PPP1R37: variants seen among roughly 807,000 people sequenced by gnomAD.
The protein encoded by PPP1R37 is leucine rich repeat containing 68.
A neutral mutation model predicts 61.0 loss-of-function variants in PPP1R37; 21 were observed. That is an observed-to-expected ratio of 0.34 (90% CI 0.24 to 0.50). The LOEUF (loss-of-function observed/expected upper bound fraction) is 0.50, where lower values mean the gene tolerates loss of function less well. Ranked by LOEUF, PPP1R37 falls within the 20% of genes least tolerant of loss-of-function variation. The pLI is 0.98. For missense variants in PPP1R37, 910 were observed against 952.7 expected, an observed-to-expected ratio of 0.96 and a Z score of 0.59; for synonymous variants, 443 against 433.5, an observed-to-expected ratio of 1.02 and a Z score of -0.27.
rs754277062 is a variant in PPP1R37, at chr19:45,146,697, C to A, written c.*135C>A. The A allele has an allele frequency of 3.6e-4, 191 of 524,164 alleles. No homozygotes were observed. The highest frequency in any genetic ancestry group is 1.0e-3 in the Middle Eastern group (2 of 1,938). The allele number at this position is 524,164 out of a possible 1,614,324, so 32.5% of individuals were successfully genotyped here. On this transcript the variant is annotated 3_prime_UTR_variant, in exon 13 of 13. Transcript: ENST00000221462. ...GGCCATTCTGGGGCCCCCCTCCCCC[C>A]ACAGCAACACTACAAGGGGTGCAGG...
intron 1 of PPP1R37, among the ~76,000 whole-genome samples, chr19:45,106,202 T>G (rs1968128060): frequency 1.3e-5 from 2 of 151,836 alleles, no homozygotes; most frequent in African/African-American, 4.8e-5. Context: ...TCCAGGCTCC[T>G]GCTGCTCTCC....
intron 7 of PPP1R37, 27 bp from the exon 8 acceptor site, chr19:45,143,494 A>AG (rs1398769505): frequency 7.1e-7 from 1 of 1,413,724 alleles, no homozygotes; most frequent in South Asian, 1.2e-5. Flanking sequence ...GACCCCAGAC[A>AG]GGGCTCTGAC....
intron 1 of PPP1R37, among the ~76,000 whole-genome samples, chr19:45,107,019 T>C (rs563120562): frequency 1.3e-5 from 2 of 151,882 alleles, no homozygotes; most frequent in South Asian, 4.2e-4. Context: ...GATTTCACCA[T>C]GTTAGCCAGG....
intron 1 of PPP1R37, among the ~76,000 whole-genome samples, chr19:45,125,320 G>T (rs200998937): frequency 6.6e-6 from 1 of 151,964 alleles, no homozygotes; most frequent in Non-Finnish European, 1.5e-5. Context: ...AAAATTAGCC[G>T]GGTGTGGTGG....
chr19:45,107,586 A>T (rs188890066), intron 1 of PPP1R37, among the ~76,000 whole-genome samples: 194 of 152,120 alleles, frequency 1.3e-3, no homozygotes, highest in Admixed American at 7.1e-3. Context: ...CCTAGGTGAG[A>T]CTCTGTCTCA....
At chr19:45,126,666 C>T (rs1020828479) in intron 1 of PPP1R37, among the ~76,000 whole-genome samples, 2 of 152,216 alleles carry the variant, frequency 1.3e-5, no homozygotes, top group Non-Finnish European at 2.9e-5. Flanking sequence ...CCTCCATGCT[C>T]TTAAAAGAAA....
intron 1 of PPP1R37, among the ~76,000 whole-genome samples, chr19:45,122,250 C>A (rs771207600): frequency 6.6e-6 from 1 of 152,290 alleles, no homozygotes; most frequent in Non-Finnish European, 1.5e-5. Context: ...CACGTGCACA[C>A]CTTCGCTGCC....
intron 1 of PPP1R37, among the ~76,000 whole-genome samples, chr19:45,100,942 T>C (rs1968055166): frequency 6.6e-6 from 1 of 152,230 alleles, no homozygotes; most frequent in Non-Finnish European, 1.5e-5. Flanking sequence ...TGGTATGTGA[T>C]AGGCGCTCAA....
At position 45,145,259 on chromosome 19, in the gene PPP1R37, C is replaced by T. The variant is rs1238630477; in HGVS notation, c.1295C>T (p.Ala432Val). Residue 432 changes from alanine to valine, a missense_variant and splice_region_variant, in exon 10 of 13, where the codon GCG becomes GTG. Coordinates refer to ENST00000221462, the MANE Select transcript of PPP1R37 (RefSeq NM_019121.2). Reference sequence around the variant, plus strand: ...CTCGACCGTGAACCCAAGAAAGAGGCGGTGAGCAGGGGACGGTCCTGCAGC... The same window carrying T: ...CTCGACCGTGAACCCAAGAAAGAGGTGGTGAGCAGGGGACGGTCCTGCAGC... ...LDLDREPKKE[A>V]VKSFIETQKA... 2.0e-6 allele frequency: 3 copies of T among 1,530,412 alleles called. No individual in the cohort carries two copies. Among genetic ancestry groups the T allele is most frequent in the East Asian group, 4.9e-5 (2 of 40,830 alleles). 94.8% of individuals were successfully genotyped at this position (1,530,412 alleles called of 1,614,324 possible).
chr19:45,126,661 A>G (rs1415040785), intron 1 of PPP1R37, among the ~76,000 whole-genome samples: 1 of 152,208 alleles, frequency 6.6e-6, no homozygotes, highest in Non-Finnish European at 1.5e-5. Context: ...ACTTGCCTCC[A>G]TGCTCTTAAA....
At chr19:45,097,032 G>A (rs573680259) in intron 1 of PPP1R37, among the ~76,000 whole-genome samples, 1 of 152,196 alleles carries the variant, frequency 6.6e-6, no homozygotes, top group East Asian at 1.9e-4. Flanking sequence ...TGGGGAGGAC[G>A]ATGGAGTGGT....
At chr19:45,119,439 C>T (rs1968312033) in intron 1 of PPP1R37, among the ~76,000 whole-genome samples, 1 of 152,162 alleles carries the variant, frequency 6.6e-6, no homozygotes, top group South Asian at 2.1e-4. Flanking sequence ...AGGCATGAGC[C>T]ACGGTGCCTG....
At position 45,145,204 on chromosome 19, in the gene PPP1R37, A is replaced by G; in HGVS notation, c.1240A>G (p.Lys414Glu). 1 of 1,535,198 alleles carries G rather than the reference A, an allele frequency of 6.5e-7. No homozygotes were observed. Residue 414 changes from lysine to glutamate, a missense_variant, in exon 10 of 13, where the codon AAG (lysine) becomes GAG (glutamate). This residue lies in a region of PPP1R37 where 549 missense variants were observed against 505.1 expected (regional missense o/e 1.09). Transcript: ENST00000221462. ...GGLMALSLAL[K>E]VNHSLLRLDL... ...GCTCATGGCACTGTCGTTGGCCCTC[A>G]AGGTGAACCACTCACTGCTGCGCCT... is the stretch of plus-strand genomic sequence containing the variant.
At chr19:45,129,187 C>G (rs1465760181) in intron 1 of PPP1R37, among the ~76,000 whole-genome samples, 2 of 152,178 alleles carry the variant, frequency 1.3e-5, no homozygotes, top group African/African-American at 4.8e-5. Context: ...GAGCCCCTGC[C>G]CTTCACCTAG....
intron 1 of PPP1R37, chr19:45,128,742 G>T (rs1968440140): frequency 1.3e-6 from 1 of 760,306 alleles, no homozygotes; most frequent in Non-Finnish European, 2.2e-6. Flanking sequence ...GGTCCACCTG[G>T]TTGGTATTGA....
intron 4 of PPP1R37, 42 bp from the exon 5 acceptor site, chr19:45,141,280 C>A: frequency 6.6e-7 from 1 of 1,509,090 alleles, no homozygotes; most frequent in Middle Eastern, 1.7e-4. Context: ...TCCTCCAGGG[C>A]AGCCCAGAGC....
At position 45,139,595 on chromosome 19, in the gene PPP1R37, G is replaced by A. The variant is rs541941366; in HGVS notation, c.301-641G>A. On this transcript the variant is annotated intron_variant, in intron 2 of 12. Coordinates refer to ENST00000221462, the MANE Select transcript of PPP1R37 (RefSeq NM_019121.2). Reference sequence around the variant, plus strand: ...TGTGCTGGAAGCAACCACGCTCCTTGTCCATCAGTGTTCACTGGAGTTAGG... The same window carrying A: ...TGTGCTGGAAGCAACCACGCTCCTTATCCATCAGTGTTCACTGGAGTTAGG... Among the ~76,000 whole-genome samples the A allele has an allele frequency of 6.6e-5, 10 of 152,356 alleles. No individual in the cohort carries two copies. In the East Asian group the frequency reaches 1.9e-3, roughly 29 times the overall value.
chr19:45,119,959 A>G (rs1968319044), intron 1 of PPP1R37, among the ~76,000 whole-genome samples: 1 of 148,476 alleles, frequency 6.7e-6, no homozygotes, highest in African/African-American at 2.5e-5. Context: ...TGGCTACTCC[A>G]TCTCTGTGTT....
At chr19:45,100,512 G>A (rs1176960692) in intron 1 of PPP1R37, among the ~76,000 whole-genome samples, 3 of 152,180 alleles carry the variant, frequency 2.0e-5, no homozygotes, top group Non-Finnish European at 4.4e-5. Flanking sequence ...TGTAGATGAG[G>A]AAATGGAGCC....
Sources: allele counts gnomAD v4.1 joint callset (sites outside exome capture counted in the v4.1 genomes callset), GRCh38; gene constraint gnomAD v4.1.1; regional missense constraint gnomAD v4.1.1; transcripts MANE v1.5; gene names NCBI Gene and HGNC (gene_info 2026-07-23, HGNC 2026-07-21).